RASEF: variants seen among roughly 807,000 people sequenced by gnomAD.
RASEF encodes the protein ras and EF-hand domain-containing protein.
In RASEF, 68 loss-of-function variants were observed where a neutral mutation model predicts 90.1. The ratio of observed to expected loss-of-function variants is 0.75; its 90% CI spans 0.62 to 0.92. The LOEUF (loss-of-function observed/expected upper bound fraction) is 0.92, where lower values mean the gene tolerates loss of function less well. Among genes scored for constraint, RASEF ranks in the 40% least tolerant of loss-of-function variants. RASEF has a pLI of 0.00. For missense variants in RASEF, 949 were observed against 937.2 expected, an observed-to-expected ratio of 1.01 and a Z score of -0.16; for synonymous variants, 331 against 345.2, an observed-to-expected ratio of 0.96 and a Z score of 0.46.
chr9:83,185,357 T>TTA, the RASEF span, among the ~76,000 whole-genome samples: 1 of 148,502 alleles, frequency 6.7e-6, no homozygotes, highest in Non-Finnish European at 1.5e-5. Flanking sequence ...TTCTTTCTTT[T>TTA]TTTTTTTTTA....
the RASEF span, among the ~76,000 whole-genome samples, chr9:83,167,607 C>A: frequency 6.6e-6 from 1 of 152,046 alleles, no homozygotes; most frequent in African/African-American, 2.4e-5. Context: ...CAACCATTAC[C>A]ATATCAATTT....
At chr9:83,131,268 A>G in the RASEF span, among the ~76,000 whole-genome samples, 2 of 152,236 alleles carry the variant, frequency 1.3e-5, no homozygotes, top group Non-Finnish European at 2.9e-5. Context: ...CATTACATAA[A>G]TGCCAATAAC....
chr9:83,072,666 A>G, the RASEF span, among the ~76,000 whole-genome samples: 1 of 152,184 alleles, frequency 6.6e-6, no homozygotes, highest in African/African-American at 2.4e-5. Flanking sequence ...TTATGTTTGA[A>G]GGTAGGAAGC....
chr9:83,145,628 T>C, the RASEF span, among the ~76,000 whole-genome samples: 2 of 152,036 alleles, frequency 1.3e-5, no homozygotes, highest in African/African-American at 4.8e-5. Flanking sequence ...CCAAGGAAGA[T>C]TGTTAAGCTT....
chr9:83,200,262 G>T, the RASEF span, among the ~76,000 whole-genome samples: 1 of 151,918 alleles, frequency 6.6e-6, no homozygotes, highest in Non-Finnish European at 1.5e-5. Context: ...CAGGTGTAGT[G>T]GCGGTTGCCT....
At chr9:83,008,883 G>T (rs1829179291) in intron 6 of RASEF, among the ~76,000 whole-genome samples, 1 of 59,150 alleles carries the variant, frequency 1.7e-5, no homozygotes, top group African/African-American at 6.0e-5. Context: ...TAAATTTGAA[G>T]TTCTCATCAT....
Position 83,062,419 on chromosome 9 carries a change from C to G in RASEF, c.431+18G>C. On this transcript the variant is annotated intron_variant, in intron 1 of 16. Coordinates refer to ENST00000376447, the MANE Select transcript of RASEF (RefSeq NM_152573.4). ...GGAAGCGCCAGAATAACCTCCCGCC[C>G]CCAGCTCACACTCGCACCTGGGAAT... 2.5e-6 allele frequency: 4 copies of G among 1,611,736 alleles called. No individual in the cohort carries two copies. The highest frequency in any genetic ancestry group is 1.1e-5 in the South Asian group (1 of 90,808).
chr9:83,190,576 G>T, the RASEF span, among the ~76,000 whole-genome samples: 1 of 152,122 alleles, frequency 6.6e-6, no homozygotes, highest in Non-Finnish European at 1.5e-5. Flanking sequence ...CTTTATGAAA[G>T]CTGTGCTTTT....
chr9:83,007,912 C>T (rs972762346), intron 6 of RASEF, among the ~76,000 whole-genome samples: 57 of 152,158 alleles, frequency 3.7e-4, no homozygotes, highest in African/African-American at 1.4e-3. Flanking sequence ...ACCTTCCCTG[C>T]TCATCTAAAG....
At chr9:83,138,947 C>A in the RASEF span, among the ~76,000 whole-genome samples, 3 of 152,086 alleles carry the variant, frequency 2.0e-5, no homozygotes, top group Non-Finnish European at 4.4e-5. Context: ...TGAAATGACA[C>A]ACAATTATTG....
chr9:83,153,026 C>T, the RASEF span, among the ~76,000 whole-genome samples: 5 of 152,090 alleles, frequency 3.3e-5, no homozygotes, highest in African/African-American at 1.2e-4. Flanking sequence ...CTTAATTTTG[C>T]CATGAAGGAC....
At chr9:83,022,500 T>C (rs904753416) in intron 2 of RASEF, 74 bp from the exon 3 acceptor site, 17 of 1,075,448 alleles carry the variant, frequency 1.6e-5, no homozygotes, top group Non-Finnish European at 2.5e-5. Flanking sequence ...TTCAGATTCA[T>C]CTACGTTAAG....
intron 2 of RASEF, among the ~76,000 whole-genome samples, chr9:83,023,114 C>A (rs1190860124): frequency 1.3e-5 from 2 of 151,900 alleles, no homozygotes; most frequent in Non-Finnish European, 2.9e-5. Context: ...AAAAAAAGAA[C>A]TCTGTGGCAA....
the RASEF span, among the ~76,000 whole-genome samples, chr9:83,212,683 C>A: frequency 1.3e-5 from 2 of 152,196 alleles, no homozygotes; most frequent in African/African-American, 4.8e-5. Flanking sequence ...CCTCCCAGCT[C>A]CTCTGCAGGG....
chr9:83,142,807 G>C, the RASEF span, among the ~76,000 whole-genome samples: 2 of 152,152 alleles, frequency 1.3e-5, no homozygotes, highest in East Asian at 1.9e-4. Flanking sequence ...TAAAAATAAA[G>C]GAGTTTATCA....
rs1828791374 is a variant in RASEF, at chr9:82,990,423, A to T, written c.2085T>A (p.Ser695=). The T allele has an allele frequency of 1.9e-6, 3 of 1,613,812 alleles. No individual in the cohort carries two copies. The highest frequency in any genetic ancestry group is 1.7e-6 in the Non-Finnish European group (2 of 1,179,826). Reference sequence around the variant, plus strand: ...GGTGCAGAACAGCCTCCACTATGTTAGAACCATCTTTGGCACTTGTTTCAC... The same window carrying T: ...GGTGCAGAACAGCCTCCACTATGTTTGAACCATCTTTGGCACTTGTTTCAC... ...LFCETSAKDG[S]NIVEAVLHLA... Residue 695 remains serine, a synonymous_variant, in exon 16 of 17, where the codon TCT becomes TCA. Coordinates refer to ENST00000376447, the MANE Select transcript of RASEF (RefSeq NM_152573.4).
the RASEF span, among the ~76,000 whole-genome samples, chr9:83,069,152 G>A: frequency 2.0e-5 from 3 of 152,140 alleles, no homozygotes; most frequent in South Asian, 2.1e-4. Context: ...TACTGAGAAT[G>A]AAATTATTTC....
intron 10 of RASEF, 135 bp from the exon 11 acceptor site, chr9:83,000,705 G>C (rs745368059): frequency 2.6e-5 from 24 of 933,560 alleles, no homozygotes; most frequent in Middle Eastern, 6.1e-4. Flanking sequence ...ATTAATATTA[G>C]GGAATAGAGT....
At chr9:83,048,859 T>A in intron 1 of RASEF, 1 of 719,996 alleles carries the variant, frequency 1.4e-6, no homozygotes, top group Non-Finnish European at 1.7e-6. Flanking sequence ...CTGTGTGCAG[T>A]GGCTCACGCC....
Sources: gnomAD v4.1 joint callset for allele counts (sites outside exome capture counted in the v4.1 genomes callset) on GRCh38, gnomAD v4.1.1 for gene constraint, MANE v1.5 for transcripts, NCBI Gene and HGNC (gene_info 2026-07-23, HGNC 2026-07-21) for gene names.